The following UTY variants were observed in gnomAD, a reference collection of about 807,000 sequenced individuals.
The protein encoded by UTY is ubiquitously transcribed tetratricopeptide repeat containing, Y-linked.
Under a neutral mutation model 32.5 loss-of-function variants are expected in UTY, and 12 were observed. That is an observed-to-expected ratio of 0.37 (90% CI 0.24 to 0.60). The LOEUF is 0.60. Among genes scored for constraint, UTY ranks in the 20% least tolerant of loss-of-function variants. UTY has a pLI of 0.69. For missense variants in UTY, 303 were observed against 299.2 expected (o/e 1.01, Z -0.09); for synonymous variants, 131 against 103.4 (o/e 1.27, Z -1.62).
At chrY:13,435,163 T>C (rs920203233) in intron 4 of UTY, among the ~76,000 whole-genome samples, 10 of 33,424 alleles carry the variant, frequency 3.0e-4, no homozygotes, top group Non-Finnish European at 5.9e-4. Flanking sequence ...TGGACCTGAA[T>C]CTGTGGAAGG....
At chrY:13,275,330 T>C (rs2148558105) in intron 27 of UTY, among the ~76,000 whole-genome samples, 1 of 33,697 alleles carries the variant, frequency 3.0e-5, no homozygotes, top group Admixed American at 2.7e-4. Context: ...CTTAATGCAG[T>C]CCTTCCATGG....
intron 27 of UTY, among the ~76,000 whole-genome samples, chrY:13,267,762 C>T: frequency 6.0e-5 from 2 of 33,088 alleles, no homozygotes; most frequent in African/African-American, 2.4e-4. Flanking sequence ...CTGTTTTCTC[C>T]CTTGCTTATG....
intron 8 of UTY, among the ~76,000 whole-genome samples, chrY:13,382,612 A>C: frequency 2.9e-5 from 1 of 34,377 alleles, no homozygotes; most frequent in South Asian, 6.3e-4. Flanking sequence ...TCTGCATCGT[A>C]AAATATACCT....
At chrY:13,336,793 A>G in intron 17 of UTY, among the ~76,000 whole-genome samples, 1 of 33,680 alleles carries the variant, frequency 3.0e-5, no homozygotes, top group Non-Finnish European at 7.4e-5. Context: ...GAAATCATAG[A>G]AAGTATGTTT....
intron 4 of UTY, among the ~76,000 whole-genome samples, chrY:13,430,390 C>T (rs2073868526): frequency 3.0e-5 from 1 of 33,698 alleles, no homozygotes; most frequent in Non-Finnish European, 7.3e-5. Flanking sequence ...AATCTTGCTA[C>T]TCCTTACTGT....
chrY:13,426,648 A>G (rs778324006), intron 4 of UTY, among the ~76,000 whole-genome samples: 27 of 33,676 alleles, frequency 8.0e-4, no homozygotes, highest in African/African-American at 3.1e-3. Context: ...CCCAGCAGAA[A>G]TCCTGCAGGT....
chrY:13,344,288 T>C (rs2061731426), intron 17 of UTY, among the ~76,000 whole-genome samples: 1 of 34,053 alleles, frequency 2.9e-5, no homozygotes, highest in Non-Finnish European at 7.4e-5. Context: ...AAGGAACACA[T>C]ATGGGAAAAA....
chrY:13,397,528 G>C, intron 6 of UTY, among the ~76,000 whole-genome samples: 1 of 33,399 alleles, frequency 3.0e-5, no homozygotes, highest in African/African-American at 1.2e-4. Flanking sequence ...GTGAAATGTA[G>C]TTGTTCTTTG....
intron 27 of UTY, among the ~76,000 whole-genome samples, chrY:13,291,088 C>T (rs2057739882): frequency 3.1e-5 from 1 of 31,882 alleles, no homozygotes; most frequent in African/African-American, 1.2e-4. Context: ...TCTCCATCTC[C>T]ACCCGCCTCA....
chrY:13,453,416 A>G (rs954937416), intron 3 of UTY, among the ~76,000 whole-genome samples: 6 of 34,711 alleles, frequency 1.7e-4, no homozygotes, highest in African/African-American at 6.7e-4. Flanking sequence ...ATGAGCAACT[A>G]AAGATGAACT....
At chrY:13,335,080 A>G in intron 18 of UTY, among the ~76,000 whole-genome samples, 2 of 33,139 alleles carry the variant, frequency 6.0e-5, no homozygotes, top group Non-Finnish European at 1.5e-4. Flanking sequence ...TCAGCAAACT[A>G]ACACAGGAAC....
intron 3 of UTY, among the ~76,000 whole-genome samples, chrY:13,455,742 G>C: frequency 6.1e-5 from 2 of 32,822 alleles, no homozygotes; most frequent in Admixed American, 2.8e-4. Flanking sequence ...TTATGATCTA[G>C]AAAAATCCAA....
At chrY:13,274,058 AAAC>A (rs2056506537) in intron 27 of UTY, among the ~76,000 whole-genome samples, 5 of 32,150 alleles carry the variant, frequency 1.6e-4, no homozygotes, top group Admixed American at 1.5e-3. Flanking sequence ...AACATTCTAA[AAAC>A]AACTGGCTTG....
intron 17 of UTY, among the ~76,000 whole-genome samples, chrY:13,338,870 C>T (rs760897115): frequency 3.0e-5 from 1 of 33,637 alleles, no homozygotes; most frequent in Admixed American, 2.7e-4. Context: ...ACTCCACATT[C>T]CTCAAAGTTT....
intron 3 of UTY, among the ~76,000 whole-genome samples, chrY:13,454,856 G>A: frequency 4.1e-5 from 1 of 24,605 alleles, no homozygotes; most frequent in Admixed American, 4.5e-4. Context: ...ACAATCACCC[G>A]AACCCAAGTG....
intron 6 of UTY, among the ~76,000 whole-genome samples, chrY:13,403,587 C>T: frequency 3.0e-5 from 1 of 33,645 alleles, no homozygotes; most frequent in African/African-American, 1.2e-4. Flanking sequence ...CCACTATGCC[C>T]AGTGACAATT....
chrY:13,259,940 T>G (rs2055138323), intron 28 of UTY, among the ~76,000 whole-genome samples: 1 of 33,762 alleles, frequency 3.0e-5, no homozygotes, highest in Non-Finnish European at 7.4e-5. Context: ...AGAAAGGACT[T>G]CATCCTGATC....
chrY:13,420,281 G>C, intron 4 of UTY, among the ~76,000 whole-genome samples: 4 of 33,491 alleles, frequency 1.2e-4, no homozygotes, highest in Non-Finnish European at 3.0e-4. Context: ...GAATGCCAAA[G>C]AGAATATGGG....
chrY:13,357,064 TAGAGAAGCAATACAC>T (rs2063004906), intron 15 of UTY, among the ~76,000 whole-genome samples: 2 of 32,329 alleles, frequency 6.2e-5, no homozygotes, highest in African/African-American at 2.4e-4. Flanking sequence ...AATCAAAGAA[TAGAGAAGCAATACAC>T]AGACACAGAA....
Sources: gnomAD v4.1 joint callset for allele counts (sites outside exome capture counted in the v4.1 genomes callset) on GRCh38, gnomAD v4.1.1 for gene constraint, MANE v1.5 for transcripts, NCBI Gene and HGNC (gene_info 2026-07-23, HGNC 2026-07-21) for gene names.